Variants in SHANK2 observed in about 807,000 individuals in gnomAD.
The protein encoded by SHANK2 is SH3 and multiple ankyrin repeat domains protein 2.
In SHANK2, 43 loss-of-function variants were observed where a neutral mutation model predicts 133.7. The observed-to-expected ratio is 0.32, with a 90% CI of 0.25 to 0.41. The LOEUF (loss-of-function observed/expected upper bound fraction) is 0.41, where lower values mean the gene tolerates loss of function less well. Among genes scored for constraint, SHANK2 ranks in the 10% least tolerant of loss-of-function variants. The pLI, the probability that SHANK2 is intolerant of heterozygous loss-of-function variation, is 1.00. For synonymous variants in SHANK2, 1,017 were observed against 952.8 expected, an observed-to-expected ratio of 1.07 and a Z score of -1.24; for missense variants, 1,994 against 2,235.8, an observed-to-expected ratio of 0.89 and a Z score of 2.18.
chr11:70,496,787 G>A (rs2058977615), intron 21 of SHANK2, among the ~76,000 whole-genome samples: 1 of 152,152 alleles, frequency 6.6e-6, no homozygotes, highest in South Asian at 2.1e-4. Flanking sequence ...GTGGGCAACG[G>A]CTGCAGAAAG....
At chr11:70,557,974 T>C (rs2059855296) in intron 17 of SHANK2, among the ~76,000 whole-genome samples, 1 of 152,184 alleles carries the variant, frequency 6.6e-6, no homozygotes, top group Non-Finnish European at 1.5e-5. Flanking sequence ...AAATACCAAT[T>C]GAGAACAAAT....
chr11:70,524,782 A>T (rs1489207022), intron 17 of SHANK2, among the ~76,000 whole-genome samples: 1 of 152,190 alleles, frequency 6.6e-6, no homozygotes, highest in African/African-American at 2.4e-5. Flanking sequence ...CAGTTCAGTG[A>T]GGGTTCTGCG....
chr11:70,468,970 G>A lies in SHANK2; in HGVS notation c.*3899C>T, dbSNP rs555556785. 1.3e-5 allele frequency: 2 copies of A among 152,386 alleles called. No individual in the cohort carries two copies. Among genetic ancestry groups the A allele is most frequent in the African/African-American group, 4.8e-5 (2 of 41,586 alleles). The allele number at this position is 152,386 out of a possible 1,614,324, so 9.4% of individuals were successfully genotyped here. A position where few individuals can be genotyped will look rare whatever the true frequency, so the allele number is the denominator to read the frequency against. On this transcript the variant is annotated 3_prime_UTR_variant, in exon 26 of 26. Coordinates refer to ENST00000601538, the MANE Select transcript of SHANK2 (RefSeq NM_012309.5). ...TCTCTCTTGCTCCAAGCCTTAGCATGTGGTTTGCTTGTCAACCAGAGAGGC... is the reference window on the plus strand; with the variant it reads ...TCTCTCTTGCTCCAAGCCTTAGCATATGGTTTGCTTGTCAACCAGAGAGGC...
intron 17 of SHANK2, among the ~76,000 whole-genome samples, chr11:70,542,137 G>A (rs1234118388): frequency 5.9e-5 from 9 of 152,192 alleles, no homozygotes; most frequent in African/African-American, 1.4e-4. Context: ...TGAGCTGACC[G>A]GTGGCCCTCG....
chr11:70,570,146 G>A (rs1259030999), intron 17 of SHANK2, among the ~76,000 whole-genome samples: 1 of 152,222 alleles, frequency 6.6e-6, no homozygotes, highest in Non-Finnish European at 1.5e-5. Context: ...ATGACAAGAG[G>A]GAACTTCTGT....
intron 14 of SHANK2, among the ~76,000 whole-genome samples, chr11:70,772,762 A>G (rs2135059415): frequency 6.6e-6 from 1 of 152,284 alleles, no homozygotes; most frequent in East Asian, 1.9e-4. Flanking sequence ...TATATGTCCT[A>G]GGGACTCCAC....
At chr11:70,549,576 C>T (rs534163045) in intron 17 of SHANK2, among the ~76,000 whole-genome samples, 13 of 152,274 alleles carry the variant, frequency 8.5e-5, no homozygotes, top group African/African-American at 1.9e-4. Flanking sequence ...AGGCGGGGGC[C>T]GTGGCTCCCC....
chr11:70,937,707 C>A (rs1169568141), intron 10 of SHANK2, among the ~76,000 whole-genome samples: 1 of 150,322 alleles, frequency 6.7e-6, no homozygotes, highest in Non-Finnish European at 1.5e-5. Context: ...TCTTGAGGGG[C>A]AATAGAACAT....
chr11:70,512,473 G>A (rs145752408), intron 17 of SHANK2, among the ~76,000 whole-genome samples: 234 of 152,234 alleles, frequency 1.5e-3, no homozygotes, highest in African/African-American at 5.4e-3. Context: ...AGTATACTAT[G>A]GTTACTTCAT....
chr11:70,515,028 T>C (rs1244335039), intron 17 of SHANK2, among the ~76,000 whole-genome samples: 4 of 152,182 alleles, frequency 2.6e-5, no homozygotes, highest in South Asian at 4.1e-4. Flanking sequence ...CTGGGCAGAA[T>C]GGCTGTTAAT....
chr11:70,514,953 G>C (rs2059246690), intron 17 of SHANK2, among the ~76,000 whole-genome samples: 1 of 152,180 alleles, frequency 6.6e-6, no homozygotes, highest in African/African-American at 2.4e-5. Context: ...TAATTATGCT[G>C]TCCGTACACT....
intron 15 of SHANK2, among the ~76,000 whole-genome samples, chr11:70,676,605 TTATTA>T (rs2134359322): frequency 6.6e-6 from 1 of 152,346 alleles, no homozygotes; most frequent in Admixed American, 6.5e-5. Flanking sequence ...GTGAGGTTTT[TTATTA>T]CTTGCAGCCA....
At chr11:71,154,737 G>T (rs563113664) in intron 2 of SHANK2, among the ~76,000 whole-genome samples, 1 of 118,894 alleles carries the variant, frequency 8.4e-6, no homozygotes, top group Non-Finnish European at 1.7e-5. Context: ...CACGCTCCCA[G>T]AGGAGGGATG....
chr11:70,556,743 T>C (rs1554979735), intron 17 of SHANK2, among the ~76,000 whole-genome samples: 1 of 151,984 alleles, frequency 6.6e-6, no homozygotes, highest in Admixed American at 6.6e-5. Context: ...AGGCATGTGC[T>C]ACCACGTCCA....
intron 11 of SHANK2, among the ~76,000 whole-genome samples, chr11:70,883,559 G>T (rs1555072806): frequency 6.6e-6 from 1 of 152,160 alleles, no homozygotes; most frequent in African/African-American, 2.4e-5. Context: ...CAGACCAAGA[G>T]AACAAAGGGG....
chr11:71,244,390 A>T (rs1299818294), intron 1 of SHANK2, among the ~76,000 whole-genome samples: 1 of 152,268 alleles, frequency 6.6e-6, no homozygotes, highest in Non-Finnish European at 1.5e-5. Flanking sequence ...ACCACATGGC[A>T]CAGCCAGCTT....
chr11:70,924,196 C>A (rs1950394095), intron 10 of SHANK2, among the ~76,000 whole-genome samples: 1 of 152,192 alleles, frequency 6.6e-6, no homozygotes, highest in Non-Finnish European at 1.5e-5. Context: ...CCAGAGTCCC[C>A]AGGAGTCCCT....
At chr11:70,756,388 G>A (rs1555038924) in intron 14 of SHANK2, among the ~76,000 whole-genome samples, 5 of 152,178 alleles carry the variant, frequency 3.3e-5, no homozygotes, top group African/African-American at 7.2e-5. Flanking sequence ...GGCTGGCCAC[G>A]GTGCTGGGCC....
At chr11:70,823,669 AG>A (rs1948590744) in intron 11 of SHANK2, among the ~76,000 whole-genome samples, 1 of 112,100 alleles carries the variant, frequency 8.9e-6, no homozygotes. Context: ...AGAACTCATG[AG>A]GGACAGAGGT....
Sources: gnomAD v4.1 joint callset for allele counts (sites outside exome capture counted in the v4.1 genomes callset) on GRCh38, gnomAD v4.1.1 for gene constraint, MANE v1.5 for transcripts, NCBI Gene and HGNC (gene_info 2026-07-23, HGNC 2026-07-21) for gene names.